TUSC3: variants seen among roughly 807,000 people sequenced by gnomAD.
TUSC3 encodes the protein dolichyl-diphosphooligosaccharide--protein glycosyltransferase subunit TUSC3.
A neutral mutation model predicts 44.8 loss-of-function variants in TUSC3; 45 were observed. That is an observed-to-expected ratio of 1.00 (90% CI 0.79 to 1.29). TUSC3 has a LOEUF of 1.29. Among genes scored for constraint, TUSC3 ranks in the 50% most tolerant of loss-of-function variants. The pLI is 0.00. For missense variants in TUSC3, 519 were observed against 437.9 expected (o/e 1.19, Z -1.65); for synonymous variants, 212 against 152.9 (o/e 1.39, Z -2.85).
At chr8:15,807,641 A>G in the TUSC3 span, among the ~76,000 whole-genome samples, 2 of 152,314 alleles carry the variant, frequency 1.3e-5, no homozygotes, top group Admixed American at 1.3e-4. Flanking sequence ...GGATTGGATA[A>G]AGAAAATGTG....
At chr8:15,722,568 A>T (rs1430020103) in intron 6 of TUSC3, among the ~76,000 whole-genome samples, 1 of 152,052 alleles carries the variant, frequency 6.6e-6, no homozygotes, top group African/African-American at 2.4e-5. Context: ...ACTAGACAGG[A>T]TGACTGCAAT....
At chr8:15,656,391 A>G (rs1349130797) in intron 3 of TUSC3, among the ~76,000 whole-genome samples, 1 of 152,224 alleles carries the variant, frequency 6.6e-6, no homozygotes, top group Non-Finnish European at 1.5e-5. Flanking sequence ...ATGGTAGAAC[A>G]GGCATTGAAT....
At chr8:15,747,401 TTTC>T (rs1563203094) in intron 8 of TUSC3, among the ~76,000 whole-genome samples, 1 of 151,908 alleles carries the variant, frequency 6.6e-6, no homozygotes, top group Non-Finnish European at 1.5e-5. Flanking sequence ...TGTTTAGATA[TTTC>T]TTAAGAGATT....
chr8:15,428,418 C>T (rs1487660595), intron 1 of TUSC3, among the ~76,000 whole-genome samples: 19 of 148,944 alleles, frequency 1.3e-4, no homozygotes, highest in African/African-American at 2.5e-4. Context: ...TGAATAGTGC[C>T]GCAATAAACA....
chr8:15,585,348 G>A (rs962003864), intron 1 of TUSC3, among the ~76,000 whole-genome samples: 2 of 152,178 alleles, frequency 1.3e-5, no homozygotes, highest in African/African-American at 4.8e-5. Flanking sequence ...CAATGTAGCA[G>A]TTTCTTATTC....
chr8:15,716,261 G>GA (rs1176175119), intron 6 of TUSC3, among the ~76,000 whole-genome samples: 1 of 151,646 alleles, frequency 6.6e-6, no homozygotes, highest in Non-Finnish European at 1.5e-5. Flanking sequence ...TTCTCCAGAA[G>GA]AAAAAAACAA....
chr8:15,618,994 C>G (rs900816520), intron 1 of TUSC3, among the ~76,000 whole-genome samples: 5 of 152,166 alleles, frequency 3.3e-5, no homozygotes, highest in Non-Finnish European at 7.3e-5. Context: ...TTGGCAAATG[C>G]AGTCATGGCT....
At chr8:15,747,335 A>G (rs1472123260) in intron 8 of TUSC3, among the ~76,000 whole-genome samples, 1 of 152,038 alleles carries the variant, frequency 6.6e-6, no homozygotes, top group African/African-American at 2.4e-5. Flanking sequence ...CAAATTGTTT[A>G]GAATTCTCTG....
At chr8:15,770,440 G>C (rs1032779529), downstream of TUSC3, among the ~76,000 whole-genome samples, 6 of 152,080 alleles carry the variant, frequency 3.9e-5, no homozygotes, top group Non-Finnish European at 8.8e-5. Flanking sequence ...ATAGCATTAG[G>C]AGAAATACCC....
At chr8:15,441,512 G>C (rs1372909692) in intron 1 of TUSC3, among the ~76,000 whole-genome samples, 1 of 152,084 alleles carries the variant, frequency 6.6e-6, no homozygotes, top group African/African-American at 2.4e-5. Context: ...TGATATTCTT[G>C]GAACATAGAT....
At chr8:15,573,463 A>G (rs1057033125) in intron 1 of TUSC3, among the ~76,000 whole-genome samples, 2 of 151,906 alleles carry the variant, frequency 1.3e-5, no homozygotes. Context: ...TGCTGAAGAT[A>G]GAAGGAGCCC....
At chr8:15,509,935 CT>C (rs1194888937) in intron 2 of TUSC3, among the ~76,000 whole-genome samples, 1 of 152,098 alleles carries the variant, frequency 6.6e-6, no homozygotes, top group Non-Finnish European at 1.5e-5. Context: ...TTTGGTTGGC[CT>C]AGGCAGGAGT....
intron 1 of TUSC3, among the ~76,000 whole-genome samples, chr8:15,573,424 T>G (rs1374344868): frequency 3.3e-5 from 5 of 151,582 alleles, no homozygotes; most frequent in Admixed American, 6.6e-5. Context: ...AATGGCTAGG[T>G]TGGCTTGCCA....
intron 10 of TUSC3, among the ~76,000 whole-genome samples, chr8:15,763,663 C>T (rs1345053407): frequency 6.6e-6 from 1 of 151,906 alleles, no homozygotes; most frequent in Non-Finnish European, 1.5e-5. Flanking sequence ...AAAAAAATAA[C>T]ATAGTTATCT....
At chr8:15,635,760 C>T (rs577186071) in intron 2 of TUSC3, among the ~76,000 whole-genome samples, 1 of 152,108 alleles carries the variant, frequency 6.6e-6, no homozygotes, top group African/African-American at 2.4e-5. Context: ...TGATAAGAGT[C>T]TCAAGTCTAG....
intron 1 of TUSC3, among the ~76,000 whole-genome samples, chr8:15,423,521 G>A (rs187135303): frequency 2.6e-4 from 40 of 152,228 alleles, no homozygotes; most frequent in African/African-American, 7.7e-4. Flanking sequence ...TTCGATTTCC[G>A]TCTTCTGGAT....
intron 1 of TUSC3, among the ~76,000 whole-genome samples, chr8:15,589,078 C>T (rs1803715364): frequency 6.6e-6 from 1 of 152,038 alleles, no homozygotes; most frequent in Admixed American, 6.6e-5. Context: ...TTTGTCTCTT[C>T]TTATTTTCTT....
chr8:15,602,805 A>G (rs927670766), intron 1 of TUSC3, among the ~76,000 whole-genome samples: 1 of 151,440 alleles, frequency 6.6e-6, no homozygotes, highest in South Asian at 2.1e-4. Flanking sequence ...TTATTATCAC[A>G]TGTTATTAAT....
intron 1 of TUSC3, among the ~76,000 whole-genome samples, chr8:15,555,054 T>C (rs951089171): frequency 1.3e-5 from 2 of 150,694 alleles, no homozygotes; most frequent in Admixed American, 1.3e-4. Context: ...ATATAGAGAA[T>C]GTAAGGAATT....
Sources: gnomAD v4.1 joint callset for allele counts (sites outside exome capture counted in the v4.1 genomes callset) on GRCh38, gnomAD v4.1.1 for gene constraint, MANE v1.5 for transcripts, NCBI Gene and HGNC (gene_info 2026-07-23, HGNC 2026-07-21) for gene names.